Variants in ENTREP1 observed in about 807,000 individuals in gnomAD.
ENTREP1 encodes Friedreich ataxia region gene X123.
chr9:69,366,019 ATTTCT>A, the ENTREP1 span, among the ~76,000 whole-genome samples: 16 of 152,036 alleles, frequency 1.1e-4, no homozygotes, highest in African/African-American at 3.4e-4. Flanking sequence ...TGATATACTG[ATTTCT>A]TTTCTTTTCC....
At chr9:69,378,012 G>GTCTC in the ENTREP1 span, among the ~76,000 whole-genome samples, 6 of 151,396 alleles carry the variant, frequency 4.0e-5, no homozygotes, top group South Asian at 4.2e-4. Context: ...TATTCTCTCT[G>GTCTC]TCTCTCTCTC....
the ENTREP1 span, among the ~76,000 whole-genome samples, chr9:69,326,330 T>C: frequency 1.3e-5 from 2 of 152,236 alleles, no homozygotes; most frequent in Non-Finnish European, 2.9e-5. Context: ...AAGGAAGGCC[T>C]TAACCCCACT....
At chr9:69,340,679 A>ATGTGTGTGTG in the ENTREP1 span, among the ~76,000 whole-genome samples, 2,656 of 38,974 alleles carry the variant, frequency 0.068, 55 homozygotes, top group Non-Finnish European at 0.089. Context: ...GTGTGTGTGC[A>ATGTGTGTGTG]TGCATGTGTG....
chr9:69,362,613 A>AC, the ENTREP1 span, among the ~76,000 whole-genome samples: 1 of 152,190 alleles, frequency 6.6e-6, no homozygotes. Context: ...GATGGTTAAT[A>AC]CTGAGTGTCA....
At chr9:69,325,523 G>C in the ENTREP1 span, 1 of 1,037,610 alleles carries the variant, frequency 9.6e-7, no homozygotes, top group South Asian at 4.5e-5. Context: ...CGCGCCGCCG[G>C]CGCTCTCCTC....
At chr9:69,327,056 T>C in the ENTREP1 span, among the ~76,000 whole-genome samples, 6 of 151,822 alleles carry the variant, frequency 4.0e-5, no homozygotes, top group African/African-American at 1.5e-4. Context: ...CCCAAAGTAA[T>C]TGTTTGAATA....
chr9:69,372,595 A>T, the ENTREP1 span, among the ~76,000 whole-genome samples: 19 of 152,294 alleles, frequency 1.2e-4, no homozygotes, highest in African/African-American at 4.1e-4. Flanking sequence ...TGTGATGGAT[A>T]TTTAGGTTGG....
At chr9:69,391,650 C>T in the ENTREP1 span, 631 of 1,614,164 alleles carry the variant, frequency 3.9e-4, 1 homozygote, top group African/African-American at 6.7e-3. Flanking sequence ...AAGCTGCCCT[C>T]GCGGAGACAG....
the ENTREP1 span, among the ~76,000 whole-genome samples, chr9:69,364,552 A>AAC: frequency 6.6e-6 from 1 of 152,114 alleles, no homozygotes; most frequent in Non-Finnish European, 1.5e-5. Context: ...AGCTTGAGAT[A>AAC]CAAATTTGGG....
At chr9:69,362,868 G>A in the ENTREP1 span, among the ~76,000 whole-genome samples, 5 of 152,150 alleles carry the variant, frequency 3.3e-5, no homozygotes, top group Non-Finnish European at 7.3e-5. Context: ...TTGGACATCG[G>A]ACTCCGAGTT....
the ENTREP1 span, among the ~76,000 whole-genome samples, chr9:69,356,883 AC>A: frequency 3.3e-5 from 5 of 152,148 alleles, no homozygotes; most frequent in Non-Finnish European, 7.3e-5. Flanking sequence ...GTAATGCCCA[AC>A]TTGAGTTGAG....
the ENTREP1 span, among the ~76,000 whole-genome samples, chr9:69,391,231 A>G: frequency 1.3e-5 from 2 of 152,202 alleles, no homozygotes; most frequent in African/African-American, 4.8e-5. Context: ...ATTTGCTGAG[A>G]ATTCATGTTT....
At chr9:69,390,002 A>G in the ENTREP1 span, among the ~76,000 whole-genome samples, 2 of 152,232 alleles carry the variant, frequency 1.3e-5, no homozygotes, top group African/African-American at 4.8e-5. Context: ...AGAAGGAGGT[A>G]AGGACAGCAG....
the ENTREP1 span, among the ~76,000 whole-genome samples, chr9:69,376,243 G>A: frequency 9.9e-5 from 15 of 152,098 alleles, no homozygotes; most frequent in Non-Finnish European, 1.8e-4. Flanking sequence ...TCGCACACTC[G>A]TGTGTCATTG....
chr9:69,377,335 A>T, the ENTREP1 span: 1 of 1,141,640 alleles, frequency 8.8e-7, no homozygotes, highest in Non-Finnish European at 1.3e-6. Flanking sequence ...ATGTTTGTTG[A>T]AGTACTTAGT....
At chr9:69,383,039 G>A in the ENTREP1 span, 33 of 983,692 alleles carry the variant, frequency 3.4e-5, no homozygotes, top group Middle Eastern at 5.2e-4. Context: ...GAAAAATCTT[G>A]TGGAGGATTT....
chr9:69,331,332 T>C, the ENTREP1 span, among the ~76,000 whole-genome samples: 16 of 152,224 alleles, frequency 1.1e-4, no homozygotes, highest in African/African-American at 3.6e-4. Flanking sequence ...AATTATAAGC[T>C]TCTGATCTTA....
At chr9:69,342,703 A>G in the ENTREP1 span, among the ~76,000 whole-genome samples, 7 of 152,362 alleles carry the variant, frequency 4.6e-5, no homozygotes, top group East Asian at 1.2e-3. Context: ...TTATTTTTTA[A>G]TCATTCGTTG....
At chr9:69,325,281 CACCCGGCCG>C in the ENTREP1 span, 1 of 30,698 alleles carries the variant, frequency 3.3e-5, no homozygotes, top group Non-Finnish European at 3.8e-5. Flanking sequence ...CAGCCGGCCG[CACCCGGCCG>C]CACCCTTCCC....
Sources: gnomAD v4.1 joint callset for allele counts (sites outside exome capture counted in the v4.1 genomes callset) on GRCh38, gnomAD v4.1.1 for gene constraint, MANE v1.5 for transcripts, NCBI Gene and HGNC (gene_info 2026-07-23, HGNC 2026-07-21) for gene names.